POFUT4: variants seen among roughly 807,000 people sequenced by gnomAD.
POFUT4 encodes protein O-fucosyltransferase 4, also known as GDP-fucose protein O-fucosyltransferase 4.
chr10:73,775,340 T>A, the POFUT4 span: 5 of 1,251,456 alleles, frequency 4.0e-6, no homozygotes, highest in Non-Finnish European at 5.7e-6. Flanking sequence ...GTAGTCTGTG[T>A]GATGTCTTTG....
the POFUT4 span, among the ~76,000 whole-genome samples, chr10:73,777,801 T>G: frequency 5.9e-5 from 9 of 151,994 alleles, no homozygotes; most frequent in African/African-American, 1.9e-4. Context: ...GTGATTCACT[T>G]GCCTTGGCCT....
chr10:73,778,586 T>C, the POFUT4 span, among the ~76,000 whole-genome samples: 1 of 151,988 alleles, frequency 6.6e-6, no homozygotes. Context: ...CTAGAGAAGT[T>C]CCACAGTTTA....
At chr10:73,775,714 G>A in the POFUT4 span, 27 of 1,610,858 alleles carry the variant, frequency 1.7e-5, 1 homozygote, top group East Asian at 3.1e-4. Flanking sequence ...TTAACTTGGC[G>A]GAGCTAAGGA....
At chr10:73,772,330 G>A in the POFUT4 span, 1 of 1,448,318 alleles carries the variant, frequency 6.9e-7, no homozygotes, top group Non-Finnish European at 9.1e-7. Flanking sequence ...CTGCCGGAGT[G>A]GACATGGCGG....
the POFUT4 span, among the ~76,000 whole-genome samples, chr10:73,778,640 ATATATGT>A: frequency 6.4e-4 from 97 of 152,318 alleles, no homozygotes; most frequent in African/African-American, 2.1e-3. Flanking sequence ...ATATAGATAG[ATATATGT>A]TAGATGCTTC....
At chr10:73,772,969 C>G in the POFUT4 span, 2 of 1,604,088 alleles carry the variant, frequency 1.2e-6, no homozygotes, top group East Asian at 2.2e-5. Flanking sequence ...CGCCGCTGCT[C>G]TATCTGCAGT....
the POFUT4 span, chr10:73,773,971 A>G: frequency 1.3e-6 from 1 of 793,326 alleles, no homozygotes; most frequent in South Asian, 2.2e-5. Context: ...TGGGGGGATA[A>G]GACAAGCTGA....
At chr10:73,773,625 A>G in the POFUT4 span, 3 of 1,614,122 alleles carry the variant, frequency 1.9e-6, no homozygotes, top group African/African-American at 4.0e-5. Context: ...TTTGCTGCCT[A>G]ACTACCTCAA....
chr10:73,777,913 G>C, the POFUT4 span, among the ~76,000 whole-genome samples: 1 of 148,256 alleles, frequency 6.7e-6, no homozygotes, highest in Non-Finnish European at 1.5e-5. Flanking sequence ...AGGCTAGAGT[G>C]CAGTGGCGTG....
chr10:73,778,419 T>G, the POFUT4 span, among the ~76,000 whole-genome samples: 1 of 141,086 alleles, frequency 7.1e-6, no homozygotes. Context: ...AAAAGCTTAG[T>G]CAGATTTGGG....
chr10:73,779,181 G>C, the POFUT4 span: 1 of 151,784 alleles, frequency 6.6e-6, no homozygotes. Flanking sequence ...GATCGCTTGA[G>C]CCCAAGAGTT....
chr10:73,777,707 A>G, the POFUT4 span, among the ~76,000 whole-genome samples: 3 of 152,052 alleles, frequency 2.0e-5, no homozygotes, highest in African/African-American at 7.2e-5. Flanking sequence ...GGCGCCCGTC[A>G]CCACATCTAG....
chr10:73,778,975 C>CA, the POFUT4 span: 1 of 144,862 alleles, frequency 6.9e-6, no homozygotes, highest in African/African-American at 2.6e-5. Flanking sequence ...CCCATCTCTA[C>CA]AAAAAACAGA....
At chr10:73,773,717 C>A in the POFUT4 span, 2 of 1,614,226 alleles carry the variant, frequency 1.2e-6, no homozygotes, top group Non-Finnish European at 1.7e-6. Flanking sequence ...CCGGGGACAG[C>A]CCCGTCTTTG....
chr10:73,778,906 A>C, the POFUT4 span: 5 of 152,070 alleles, frequency 3.3e-5, no homozygotes, highest in African/African-American at 1.2e-4. Flanking sequence ...TGGGAGGCCA[A>C]GGTAGGAGGA....
the POFUT4 span, chr10:73,774,034 T>G: frequency 1.8e-6 from 1 of 547,408 alleles, no homozygotes; most frequent in African/African-American, 1.9e-5. Flanking sequence ...AAAATCAGCT[T>G]ATGTGAACAA....
At chr10:73,773,571 C>A in the POFUT4 span, 11 of 1,614,152 alleles carry the variant, frequency 6.8e-6, no homozygotes, top group African/African-American at 6.7e-5. Context: ...CAACCAATTT[C>A]TTCTGGATAG....
At chr10:73,776,054 G>A in the POFUT4 span, 1 of 198,978 alleles carries the variant, frequency 5.0e-6, no homozygotes, top group South Asian at 1.1e-4. Context: ...TACAACTTTT[G>A]TTCTATTCCC....
At chr10:73,778,921 T>A in the POFUT4 span, 1 of 150,608 alleles carries the variant, frequency 6.6e-6, no homozygotes, top group Non-Finnish European at 1.5e-5. Flanking sequence ...GGAGGATCGC[T>A]TGAGCCCAGG....
Sources: gnomAD v4.1 joint callset for allele counts (sites outside exome capture counted in the v4.1 genomes callset) on GRCh38, gnomAD v4.1.1 for gene constraint, MANE v1.5 for transcripts, NCBI Gene and HGNC (gene_info 2026-07-23, HGNC 2026-07-21) for gene names.